KCNIP4: variants seen among roughly 807,000 people sequenced by gnomAD.
KCNIP4 encodes the protein Kv channel-interacting protein 4.
A neutral mutation model predicts 34.0 loss-of-function variants in KCNIP4; 12 were observed. The ratio of observed to expected loss-of-function variants is 0.35; its 90% CI spans 0.23 to 0.57. The LOEUF (loss-of-function observed/expected upper bound fraction) is 0.57. Among genes scored for constraint, KCNIP4 ranks in the 20% least tolerant of loss-of-function variants. The probability of loss-of-function intolerance (pLI) is 0.83; values close to 1 mark genes in which losing one functional copy is unlikely to be tolerated. For missense variants in KCNIP4, 238 were observed against 311.7 expected (o/e 0.76, Z 1.78); for synonymous variants, 124 against 102.2 (o/e 1.21, Z -1.29).
chr4:21,102,002 C>T (rs73802484), intron 1 of KCNIP4, among the ~76,000 whole-genome samples: 2,524 of 152,078 alleles, frequency 0.017, 82 homozygotes, highest in African/African-American at 0.057. Flanking sequence ...GGTCAGGAGG[C>T]CCAAGTGTAC....
intron 1 of KCNIP4, among the ~76,000 whole-genome samples, chr4:21,417,566 G>T (rs1725068841): frequency 6.6e-6 from 1 of 152,102 alleles, no homozygotes; most frequent in African/African-American, 2.4e-5. Context: ...GTCAGAGGAA[G>T]CTCATGATCT....
At chr4:21,736,729 C>T (rs1243658872) in intron 1 of KCNIP4, among the ~76,000 whole-genome samples, 1 of 152,122 alleles carries the variant, frequency 6.6e-6, no homozygotes, top group African/African-American at 2.4e-5. Flanking sequence ...AGCAAGAATC[C>T]TATGACATTA....
intron 1 of KCNIP4, among the ~76,000 whole-genome samples, chr4:21,224,061 C>A (rs1758178288): frequency 6.6e-6 from 1 of 152,130 alleles, no homozygotes; most frequent in South Asian, 2.1e-4. Flanking sequence ...TCTGGATTCC[C>A]TCTTTCTCTC....
rs574454966 is a variant in KCNIP4, at chr4:21,171,798, G to A, written c.62-289089C>T. 9.9e-5 allele frequency among the ~76,000 whole-genome samples: 15 copies of A among 152,254 alleles called. 1 individual carries two copies. In the South Asian group the frequency reaches 3.1e-3, roughly 32 times the overall value. On this transcript the variant is annotated intron_variant, in intron 1 of 8. Coordinates refer to ENST00000382152, the MANE Select transcript of KCNIP4 (RefSeq NM_025221.6). ...TGTGTGAGATCTTAGTAGAGCACAT[G>A]GACTCAGCACTTGCTCAGTTCATGG...
intron 1 of KCNIP4, among the ~76,000 whole-genome samples, chr4:20,962,038 T>G (rs1364567291): frequency 2.6e-5 from 4 of 152,232 alleles, no homozygotes; most frequent in African/African-American, 9.6e-5. Flanking sequence ...ACTCACTTTC[T>G]TCCTCCTTGG....
At chr4:20,841,933 CCTT>C (rs1220981650) in intron 3 of KCNIP4, among the ~76,000 whole-genome samples, 2 of 152,004 alleles carry the variant, frequency 1.3e-5, no homozygotes. Context: ...ATGGCCGTGC[CCTT>C]CTTGACATTG....
At chr4:21,125,134 C>T (rs1003274561) in intron 1 of KCNIP4, among the ~76,000 whole-genome samples, 3 of 145,380 alleles carry the variant, frequency 2.1e-5, no homozygotes, top group African/African-American at 5.1e-5. Flanking sequence ...CAGTGGTTCT[C>T]GGACTTGAAT....
At chr4:21,605,337 T>G (rs1243072213) in intron 1 of KCNIP4, among the ~76,000 whole-genome samples, 2 of 152,200 alleles carry the variant, frequency 1.3e-5, no homozygotes, top group Admixed American at 1.3e-4. Context: ...CTCCTCAAAG[T>G]CAATGAGGCA....
chr4:21,657,468 T>C (rs1468133408), intron 1 of KCNIP4, among the ~76,000 whole-genome samples: 1 of 152,218 alleles, frequency 6.6e-6, no homozygotes, highest in African/African-American at 2.4e-5. Flanking sequence ...TCTTAGGCTG[T>C]AGAGTTGATG....
chr4:21,784,474 G>A (rs1264091215), intron 1 of KCNIP4, among the ~76,000 whole-genome samples: 14 of 151,772 alleles, frequency 9.2e-5, no homozygotes, highest in Admixed American at 8.5e-4. Context: ...AAAACAAGGA[G>A]TTATAAAATA....
chr4:20,940,310 T>A (rs1169119027), intron 1 of KCNIP4, among the ~76,000 whole-genome samples: 1 of 152,212 alleles, frequency 6.6e-6, no homozygotes, highest in Admixed American at 6.5e-5. Flanking sequence ...TTGTATTTAT[T>A]TGATCTTATG....
At chr4:21,756,307 C>A (rs1427688316) in intron 1 of KCNIP4, among the ~76,000 whole-genome samples, 6 of 151,816 alleles carry the variant, frequency 4.0e-5, no homozygotes, top group Admixed American at 2.6e-4. Flanking sequence ...TGTAATCCCA[C>A]CACTTTGGGA....
At chr4:21,124,632 G>C (rs928855447) in intron 1 of KCNIP4, among the ~76,000 whole-genome samples, 6 of 151,830 alleles carry the variant, frequency 4.0e-5, no homozygotes, top group African/African-American at 1.5e-4. Flanking sequence ...CCTGGATCTG[G>C]CACTAATCAG....
chr4:21,343,578 T>C (rs1716973970), intron 1 of KCNIP4, among the ~76,000 whole-genome samples: 1 of 152,132 alleles, frequency 6.6e-6, no homozygotes, highest in Non-Finnish European at 1.5e-5. Flanking sequence ...ATGCTGCTTG[T>C]CTATGAAAGT....
chr4:21,218,632 C>T (rs1577906156), intron 1 of KCNIP4, among the ~76,000 whole-genome samples: 1 of 152,252 alleles, frequency 6.6e-6, no homozygotes, highest in Admixed American at 6.5e-5. Flanking sequence ...AATCTATGCA[C>T]TATCTGCTCA....
In KCNIP4 at chr4:21,914,992, C is replaced by T. The variant is rs183256354; in HGVS notation, c.61+33579G>A. On this transcript the variant is annotated intron_variant, in intron 1 of 8. Coordinates refer to ENST00000382152, the MANE Select transcript of KCNIP4 (RefSeq NM_025221.6). ...CACACAAATTAAAAACAGAAAGGTA[C>T]GCATTTGAAAAAAAAATCAAAAGAA... 9.3e-5 allele frequency among the ~76,000 whole-genome samples: 14 copies of T among 151,214 alleles called. No individual in the cohort carries two copies. The East Asian group carries it at 1.2e-3, about 13-fold the overall frequency.
chr4:20,992,854 C>T (rs184051809), intron 1 of KCNIP4, among the ~76,000 whole-genome samples: 78 of 151,882 alleles, frequency 5.1e-4, no homozygotes, highest in African/African-American at 1.8e-3. Context: ...ATAGTGAAAC[C>T]CTGTCTCTAC....
At chr4:21,058,356 T>C (rs116286608) in intron 1 of KCNIP4, among the ~76,000 whole-genome samples, 2,891 of 152,240 alleles carry the variant, frequency 0.019, 53 homozygotes, top group Non-Finnish European at 0.025. Context: ...CTGCAAGTGA[T>C]GGGCGCAAAG....
At chr4:21,652,755 A>G (rs1271545600) in intron 1 of KCNIP4, among the ~76,000 whole-genome samples, 3 of 152,170 alleles carry the variant, frequency 2.0e-5, no homozygotes, top group African/African-American at 7.2e-5. Flanking sequence ...ACCAAAGAAT[A>G]CAGTTAATCC....
Sources: allele counts gnomAD v4.1 joint callset (sites outside exome capture counted in the v4.1 genomes callset), GRCh38; gene constraint gnomAD v4.1.1; transcripts MANE v1.5; gene names NCBI Gene and HGNC (gene_info 2026-07-23, HGNC 2026-07-21).